NLRP14: variants seen among roughly 807,000 people sequenced by gnomAD.
NLRP14 encodes NACHT, LRR and PYD domains-containing protein 14.
Under a neutral mutation model 94.7 loss-of-function variants are expected in NLRP14, and 105 were observed. That is an observed-to-expected ratio of 1.11 (90% CI 0.95 to 1.30). NLRP14 has a LOEUF of 1.30. NLRP14 is among the 50% of genes most tolerant of loss of function. The probability of loss-of-function intolerance (pLI) is 0.00; values close to 1 mark genes in which losing one functional copy is unlikely to be tolerated. For missense variants in NLRP14, 1,362 were observed against 1,254.1 expected, an observed-to-expected ratio of 1.09 and a Z score of -1.30; for synonymous variants, 508 against 459.9, an observed-to-expected ratio of 1.10 and a Z score of -1.34.
chr11:7,042,583 G>A lies in NLRP14; in HGVS notation c.557G>A (p.Gly186Glu). 6.2e-7 allele frequency: 1 copy of A among 1,614,234 alleles called. No individual in the cohort carries two copies. The highest frequency in any genetic ancestry group is 8.5e-7 in the Non-Finnish European group (1 of 1,180,034). ...ATCGTGGTGCTTCAGGGAGCTGCTG[G>A]AGTTGGGAAAACAACCTTGGTGAGA... ...PQIVVLQGAA[G>E]VGKTTLVRKA... Residue 186 changes from glycine (G) to glutamate (E), a missense_variant, in exon 4 of 12, where the codon GGA becomes GAA. Transcript: ENST00000299481.
chr11:7,048,831 T>C (rs188564327), intron 5 of NLRP14, among the ~76,000 whole-genome samples: 2 of 152,312 alleles, frequency 1.3e-5, no homozygotes, highest in East Asian at 3.9e-4. Context: ...ATGATGACTG[T>C]TCTCAGTCTG....
chr11:7,053,103 A>G (rs1157368749), intron 6 of NLRP14, among the ~76,000 whole-genome samples: 1 of 152,170 alleles, frequency 6.6e-6, no homozygotes, highest in East Asian at 1.9e-4. Context: ...CAGTATATTG[A>G]TTTTTGCTGT....
chr11:7,080,372 G>A, the NLRP14 span, among the ~76,000 whole-genome samples: 1 of 152,106 alleles, frequency 6.6e-6, no homozygotes, highest in Non-Finnish European at 1.5e-5. Flanking sequence ...AGCCAACTTG[G>A]GGGTTCCTAC....
chr11:7,051,743 C>G (rs1327791536), intron 6 of NLRP14, among the ~76,000 whole-genome samples: 1 of 152,188 alleles, frequency 6.6e-6, no homozygotes, highest in Admixed American at 6.5e-5. Flanking sequence ...CTGCCTCAGC[C>G]TCCTGAGTAG....
downstream of NLRP14, among the ~76,000 whole-genome samples, chr11:7,075,637 T>A (rs1275423208): frequency 6.6e-6 from 1 of 152,242 alleles, no homozygotes. Flanking sequence ...TATTTGTCTT[T>A]GTTCTTTTCT....
chr11:7,062,422 G>A lies in NLRP14; in HGVS notation c.2894G>A (p.Gly965Glu), dbSNP rs1325718640. 2 of 1,613,114 alleles carry A rather than the reference G, an allele frequency of 1.2e-6. No homozygotes were observed. Among genetic ancestry groups the A allele is most frequent in the Admixed American group, 3.3e-5 (2 of 59,920 alleles). The change falls in exon 10 of 12, where the codon GGG becomes GAG. Residue 965 changes from glycine to glutamate, a missense_variant. Physicochemically the swap from Gly to Glu is moderately conservative, Grantham distance 98. Transcript: ENST00000299481. ...CCAAACCTGAGGAGCCTGGACCTTGGGAACAACGATTTGCAGGATGATGGA... is the reference window on the plus strand; with the variant it reads ...CCAAACCTGAGGAGCCTGGACCTTGAGAACAACGATTTGCAGGATGATGGA... ...NNPNLRSLDL[G>E]NNDLQDDGVK...
rs775013687 is a variant in NLRP14 at position 7,057,634 on chromosome 11, C to G, written c.2292-43C>G. ...TCGGTAGGTGTTGGTTGTAATTATTCTCTAAGGAGTGGTCATTCCTGCTTT... is the reference window on the plus strand; with the variant it reads ...TCGGTAGGTGTTGGTTGTAATTATTGTCTAAGGAGTGGTCATTCCTGCTTT... On this transcript the variant is annotated intron_variant, in intron 6 of 11. Transcript: ENST00000299481. 1.0e-4 allele frequency: 157 copies of G among 1,577,340 alleles called. No homozygotes were observed. The Middle Eastern group carries it at 1.5e-3, about 15-fold the overall frequency.
intron 6 of NLRP14, among the ~76,000 whole-genome samples, chr11:7,051,270 G>A (rs184062450): frequency 6.6e-6 from 1 of 152,330 alleles, no homozygotes; most frequent in East Asian, 1.9e-4. Context: ...GGCCACTGAG[G>A]AGCAATCAAT....
chr11:7,033,298 T>C (rs1191269221), intron 1 of NLRP14, among the ~76,000 whole-genome samples: 1 of 152,234 alleles, frequency 6.6e-6, no homozygotes, highest in Non-Finnish European at 1.5e-5. Context: ...TCATAGTGTA[T>C]GTATATTTCC....
chr11:7,088,576 G>A, the NLRP14 span, among the ~76,000 whole-genome samples: 71 of 152,180 alleles, frequency 4.7e-4, no homozygotes, highest in East Asian at 8.7e-3. Flanking sequence ...GAGGATAGAC[G>A]AGGCTAAAAG....
chr11:7,032,440 G>A (rs1039859845), intron 1 of NLRP14, among the ~76,000 whole-genome samples: 55 of 151,836 alleles, frequency 3.6e-4, no homozygotes, highest in Non-Finnish European at 6.5e-4. Context: ...TCTGTATTTA[G>A]GATTTTTTTT....
chr11:7,089,918 C>T, the NLRP14 span: 8 of 1,612,844 alleles, frequency 5.0e-6, no homozygotes, highest in Admixed American at 1.7e-5. Context: ...ACGGAGGTCG[C>T]GACCGTGACT....
intron 1 of NLRP14, among the ~76,000 whole-genome samples, chr11:7,022,414 C>T (rs978654899): frequency 2.0e-5 from 3 of 152,144 alleles, no homozygotes; most frequent in Non-Finnish European, 2.9e-5. Flanking sequence ...ATTGAAGAAT[C>T]TAAGAATATG....
At chr11:7,027,788 A>G (rs1852035748) in intron 1 of NLRP14, among the ~76,000 whole-genome samples, 1 of 152,152 alleles carries the variant, frequency 6.6e-6, no homozygotes, top group Non-Finnish European at 1.5e-5. Flanking sequence ...TTCAATGGTC[A>G]GTTTTCAGTC....
intron 6 of NLRP14, among the ~76,000 whole-genome samples, chr11:7,056,115 T>A (rs1491831): frequency 0.97 from 147,258 of 152,004 alleles, 71,495 homozygotes; most frequent in Middle Eastern, 1. Context: ...GGAAAGAGTT[T>A]TATTTTTTAT....
intron 9 of NLRP14, 30 bp downstream of exon 9, chr11:7,060,094 A>G (rs751504682): frequency 6.3e-7 from 1 of 1,587,010 alleles, no homozygotes; most frequent in African/African-American, 1.3e-5. Flanking sequence ...ACTTTTGTGT[A>G]GTTTCAACAA....
At chr11:7,085,796 G>A in the NLRP14 span, among the ~76,000 whole-genome samples, 13 of 152,162 alleles carry the variant, frequency 8.5e-5, no homozygotes, top group Admixed American at 5.2e-4. Flanking sequence ...TATTGTTTAT[G>A]AAATAGTGAC....
chr11:7,044,218 C>G (rs1479498075), intron 4 of NLRP14, among the ~76,000 whole-genome samples: 1 of 152,078 alleles, frequency 6.6e-6, no homozygotes. Context: ...AAGGCAATAC[C>G]AGGAGAGGGA....
intron 10 of NLRP14, among the ~76,000 whole-genome samples, chr11:7,064,637 A>G (rs1852677839): frequency 6.6e-6 from 1 of 152,108 alleles, no homozygotes; most frequent in Non-Finnish European, 1.5e-5. Flanking sequence ...GAGGAATCAT[A>G]CAAATGGGAG....
Sources: gnomAD v4.1 joint callset for allele counts (sites outside exome capture counted in the v4.1 genomes callset) on GRCh38, gnomAD v4.1.1 for gene constraint, MANE v1.5 for transcripts, NCBI Gene and HGNC (gene_info 2026-07-23, HGNC 2026-07-21) for gene names.